The following LDLRAD4 variants were observed in gnomAD, a reference collection of about 807,000 sequenced individuals.
LDLRAD4 encodes low-density lipoprotein receptor class A domain-containing protein 4.
Under a neutral mutation model 17.0 loss-of-function variants are expected in LDLRAD4, and 5 were observed. The observed-to-expected ratio is 0.29, with a 90% CI of 0.15 to 0.62. The LOEUF is 0.62. LDLRAD4 is among the 20% of genes least tolerant of loss of function. The pLI, the probability that LDLRAD4 is intolerant of heterozygous loss-of-function variation, is 0.84. For synonymous variants in LDLRAD4, 168 were observed against 171.8 expected, an observed-to-expected ratio of 0.98 and a Z score of 0.17; for missense variants, 340 against 424.7, an observed-to-expected ratio of 0.80 and a Z score of 1.75.
chr18:13,501,275 CAGT>C (rs3216103), intron 3 of LDLRAD4: 74,112 of 151,828 alleles, frequency 0.49, 21,086 homozygotes, highest in East Asian at 0.67. Flanking sequence ...ATAAAACTGG[CAGT>C]AGCATCAAAT....
chr18:13,373,455 T>G (rs2084670514), intron 1 of LDLRAD4, among the ~76,000 whole-genome samples: 2 of 152,234 alleles, frequency 1.3e-5, no homozygotes, highest in Non-Finnish European at 1.5e-5. Flanking sequence ...CGCTTAGCTA[T>G]CTTTGTTGCT....
intron 3 of LDLRAD4, among the ~76,000 whole-genome samples, chr18:13,594,145 T>A (rs1375030969): frequency 6.6e-6 from 1 of 152,110 alleles, no homozygotes; most frequent in Non-Finnish European, 1.5e-5. Flanking sequence ...GGCTGGTGTC[T>A]CCAGAGTGGT....
chr18:13,440,869 C>T lies in LDLRAD4; in HGVS notation c.181+2485C>T, dbSNP rs571697172. ...CACGGAGCAGGAATTCACGGGTGTC[C>T]ACAAGTGCACTTGCCCAGTGATCCT... On this transcript the variant is annotated intron_variant, in intron 3 of 5. Coordinates refer to ENST00000359446, the Ensembl canonical transcript of LDLRAD4. This position sits in a 1 kb window ranked among gnomAD's most constrained non-coding sequence, Gnocchi z 4.4. Among the ~76,000 whole-genome samples the T allele has an allele frequency of 9.2e-5, 14 of 152,314 alleles. No homozygotes were observed. Among genetic ancestry groups the T allele is most frequent in the Admixed American group, 7.8e-4 (12 of 15,306 alleles).
At chr18:13,450,336 C>CCA (rs2091744775) in intron 3 of LDLRAD4, among the ~76,000 whole-genome samples, 3 of 119,672 alleles carry the variant, frequency 2.5e-5, no homozygotes, top group African/African-American at 6.8e-5. Context: ...ACCCCCCCCC[C>CCA]CAAAAAAACA....
intron 1 of LDLRAD4, among the ~76,000 whole-genome samples, chr18:13,346,766 T>C (rs539345866): frequency 6.6e-6 from 1 of 152,340 alleles, no homozygotes; most frequent in African/African-American, 2.4e-5. Flanking sequence ...TGCTCCTGTA[T>C]TGGGTGCATA....
intron 1 of LDLRAD4, among the ~76,000 whole-genome samples, chr18:13,224,479 T>TTC (rs2041648724): frequency 7.5e-6 from 1 of 132,640 alleles, no homozygotes; most frequent in Non-Finnish European, 1.6e-5. Context: ...TCTTTCTTTT[T>TTC]TTTTTTTTTT....
chr18:13,564,705 C>CG (rs1018241970), intron 3 of LDLRAD4, among the ~76,000 whole-genome samples: 4 of 152,036 alleles, frequency 2.6e-5, no homozygotes, highest in South Asian at 4.2e-4. Context: ...CTGCCGCCCC[C>CG]CTTCCTCCTG....
intron 1 of LDLRAD4, among the ~76,000 whole-genome samples, chr18:13,319,351 C>T (rs1599373193): frequency 6.6e-6 from 1 of 151,958 alleles, no homozygotes; most frequent in Admixed American, 6.5e-5. Flanking sequence ...AGCTGCTGTG[C>T]GTGAGCCAGC....
chr18:13,425,760 C>T (rs1005101449), intron 2 of LDLRAD4, among the ~76,000 whole-genome samples: 2 of 152,284 alleles, frequency 1.3e-5, no homozygotes, highest in African/African-American at 2.4e-5. Flanking sequence ...CTGTGCTTCC[C>T]GAGGTCGAGG....
rs916811753 is a variant in LDLRAD4 at position 13,278,198 on chromosome 18, A to G, written c.-383+10A>G. The G allele has an allele frequency of 6.6e-6, 1 of 152,192 alleles. No homozygotes were observed. Among genetic ancestry groups the G allele is most frequent in the African/African-American group, 2.4e-5 (1 of 41,414 alleles). The allele number at this position is 152,192 out of a possible 1,614,324, so 9.4% of individuals were successfully genotyped here. On this transcript the variant is annotated intron_variant, in intron 1 of 5. Transcript: ENST00000359446. ...CTGTATAGTGTAAAAGGTAAGTGGA[A>G]TTACTTGTGACTGTTCTTTGTGATG... is the stretch of plus-strand genomic sequence containing the variant.
At chr18:13,651,055 G>C (rs910111741) in exon 6 of LDLRAD4, 1 of 152,236 alleles carries the variant, frequency 6.6e-6, no homozygotes, top group African/African-American at 2.4e-5. Context: ...AGCTGGACCA[G>C]TGTTAGTTAT....
intron 3 of LDLRAD4, among the ~76,000 whole-genome samples, chr18:13,503,267 A>G (rs2093641468): frequency 6.6e-6 from 1 of 152,190 alleles, no homozygotes; most frequent in African/African-American, 2.4e-5. Context: ...CAGCATTGAA[A>G]AGTGCAGCAC....
chr18:13,267,172 A>G (rs949890688), intron 1 of LDLRAD4, among the ~76,000 whole-genome samples: 1 of 152,262 alleles, frequency 6.6e-6, no homozygotes, highest in Non-Finnish European at 1.5e-5. Context: ...AAATAATTCT[A>G]ATAGAAACAT....
chr18:13,261,232 C>A (rs1023145944), intron 1 of LDLRAD4, among the ~76,000 whole-genome samples: 15 of 152,354 alleles, frequency 9.8e-5, no homozygotes, highest in African/African-American at 3.6e-4. Flanking sequence ...CCTAACATTC[C>A]ATTTACTGGT....
At chr18:13,370,510 G>T (rs1419451535) in intron 1 of LDLRAD4, among the ~76,000 whole-genome samples, 1 of 152,084 alleles carries the variant, frequency 6.6e-6, no homozygotes, top group African/African-American at 2.4e-5. Flanking sequence ...TAGTGACTCT[G>T]GTGGGTACCT....
chr18:13,355,164 TA>T (rs1454366844), intron 1 of LDLRAD4, among the ~76,000 whole-genome samples: 1 of 152,248 alleles, frequency 6.6e-6, no homozygotes, highest in East Asian at 1.9e-4. Flanking sequence ...TCCTGCACTT[TA>T]GTCTATGTTG....
At chr18:13,416,740 A>G (rs183600954) in intron 2 of LDLRAD4, among the ~76,000 whole-genome samples, 34 of 152,350 alleles carry the variant, frequency 2.2e-4, no homozygotes, top group Admixed American at 2.2e-3. Flanking sequence ...GCTATGCTCT[A>G]TGCAATGGAA....
intron 3 of LDLRAD4, among the ~76,000 whole-genome samples, chr18:13,496,306 C>T (rs75080227): frequency 0.011 from 1,649 of 152,200 alleles, 26 homozygotes; most frequent in African/African-American, 0.038. Flanking sequence ...GCCTTACTTG[C>T]CCAGAACAAT....
intron 3 of LDLRAD4, among the ~76,000 whole-genome samples, chr18:13,584,129 G>C (rs541254718): frequency 1.3e-5 from 2 of 152,296 alleles, no homozygotes; most frequent in South Asian, 2.1e-4. Flanking sequence ...GCCTGTGACC[G>C]GCGTCTGCCT....
Sources: gnomAD v4.1 joint callset for allele counts (sites outside exome capture counted in the v4.1 genomes callset) on GRCh38, gnomAD v4.1.1 for gene constraint, Gnocchi (gnomAD v3.1) non-coding constraint, MANE v1.5 for transcripts, NCBI Gene and HGNC (gene_info 2026-07-23, HGNC 2026-07-21) for gene names.